USP24: variants seen among roughly 807,000 people sequenced by gnomAD.
USP24 encodes the protein ubiquitin carboxyl-terminal hydrolase 24.
Under a neutral mutation model 361.6 loss-of-function variants are expected in USP24, and 97 were observed. The observed-to-expected ratio is 0.27, with a 90% CI of 0.23 to 0.32. The LOEUF is 0.32. Ranked by LOEUF, USP24 falls within the 10% of genes least tolerant of loss-of-function variation. The probability of loss-of-function intolerance (pLI) is 1.00; values close to 1 mark genes in which losing one functional copy is unlikely to be tolerated. For synonymous variants in USP24, 1,098 were observed against 1,124.6 expected (o/e 0.98, Z 0.47); for missense variants, 2,353 against 3,165.6 (o/e 0.74, Z 6.16).
chr1:55,073,935 A>T, intron 63 of USP24, 29 bp from the exon 64 acceptor site: 2 of 1,537,536 alleles, frequency 1.3e-6, no homozygotes, highest in Non-Finnish European at 8.8e-7. Flanking sequence ...ACATTTTAAC[A>T]ATAAAAGACT....
intron 8 of USP24, 54 bp from the exon 9 acceptor site, chr1:55,159,739 A>T (rs573350570): frequency 6.9e-7 from 1 of 1,452,580 alleles, no homozygotes; most frequent in African/African-American, 1.4e-5. Flanking sequence ...CCAAAAGTAG[A>T]GAGAGAATAC....
At chr1:55,113,606 T>C (rs1017852008) in intron 38 of USP24, among the ~76,000 whole-genome samples, 1 of 152,216 alleles carries the variant, frequency 6.6e-6, no homozygotes, top group African/African-American at 2.4e-5. Context: ...CCAATATCCC[T>C]GATGACATCG....
At chr1:55,181,085 A>G (rs77312464) in intron 1 of USP24, among the ~76,000 whole-genome samples, 3,863 of 152,116 alleles carry the variant, frequency 0.025, 59 homozygotes, top group Non-Finnish European at 0.037. Flanking sequence ...TATCCTCACA[A>G]TTTACTATAT....
intron 16 of USP24, among the ~76,000 whole-genome samples, chr1:55,149,225 TCTA>T (rs1189854813): frequency 6.6e-6 from 1 of 152,174 alleles, no homozygotes; most frequent in Non-Finnish European, 1.5e-5. Flanking sequence ...ATCTAAAAAG[TCTA>T]CTGTTTGTGT....
intron 63 of USP24, 51 bp downstream of exon 63, chr1:55,075,406 T>G: frequency 6.6e-7 from 1 of 1,509,842 alleles, no homozygotes. Context: ...GAACAATAGA[T>G]TATCCACATA....
intron 28 of USP24, among the ~76,000 whole-genome samples, chr1:55,135,135 T>C (rs913519427): frequency 1.3e-5 from 2 of 152,176 alleles, no homozygotes; most frequent in Non-Finnish European, 2.9e-5. Context: ...TTAAAATTCT[T>C]GTTATATATG....
intron 1 of USP24, among the ~76,000 whole-genome samples, chr1:55,185,613 T>G (rs1165217): frequency 0.26 from 38,896 of 152,024 alleles, 6,248 homozygotes; most frequent in South Asian, 0.4. Context: ...CAGGCTGGAG[T>G]GCAAAGGCAC....
rs550777800 is a variant in USP24 at position 55,182,592 on chromosome 1, G to A, written c.325-4460C>T. 1.6e-4 allele frequency among the ~76,000 whole-genome samples: 24 copies of A among 152,214 alleles called. 1 individual carries two copies. In the South Asian group the frequency reaches 5.0e-3, roughly 32 times the overall value. ...TATTAAATCTAAGGGGGAGCAAGGGGGGAGATCTTATTATGTGCCTCCTGA... is the reference window on the plus strand; with the variant it reads ...TATTAAATCTAAGGGGGAGCAAGGGAGGAGATCTTATTATGTGCCTCCTGA... On this transcript the variant is annotated intron_variant, in intron 1 of 67. Coordinates refer to ENST00000294383, the MANE Select transcript of USP24 (RefSeq NM_015306.3).
intron 26 of USP24, 127 bp downstream of exon 26, chr1:55,138,481 C>T (rs1646798757): frequency 6.5e-6 from 4 of 618,466 alleles, no homozygotes; most frequent in South Asian, 2.4e-5. Context: ...CATTTCAGGT[C>T]TTTATTCTAC....
intron 1 of USP24, among the ~76,000 whole-genome samples, chr1:55,209,065 A>G (rs1644785470): frequency 1.3e-5 from 2 of 152,236 alleles, no homozygotes; most frequent in Non-Finnish European, 2.9e-5. Context: ...CCTATGATAA[A>G]GAAAATGAAA....
chr1:55,190,740 A>C (rs1011495255), intron 1 of USP24, among the ~76,000 whole-genome samples: 23 of 152,220 alleles, frequency 1.5e-4, no homozygotes, highest in Admixed American at 6.5e-4. Context: ...AAAGAAAAGG[A>C]TAATGTGAAA....
chr1:55,202,221 T>C (rs1644594259), intron 1 of USP24, among the ~76,000 whole-genome samples: 2 of 152,252 alleles, frequency 1.3e-5, no homozygotes, highest in Non-Finnish European at 2.9e-5. Context: ...AAGGTATATT[T>C]CAAAATGTTT....
At chr1:55,135,185 A>G (rs1646699846) in intron 28 of USP24, among the ~76,000 whole-genome samples, 1 of 152,126 alleles carries the variant, frequency 6.6e-6, no homozygotes. Flanking sequence ...GGGTCTCGCT[A>G]TGTTGGCCAG....
chr1:55,133,193 A>G (rs1365274175), intron 30 of USP24, among the ~76,000 whole-genome samples: 5 of 152,248 alleles, frequency 3.3e-5, no homozygotes, highest in African/African-American at 9.6e-5. Flanking sequence ...TAGTTCTAAC[A>G]ACTTTTTCTA....
chr1:55,099,694 C>A, intron 45 of USP24, 77 bp downstream of exon 45: 1 of 1,031,732 alleles, frequency 9.7e-7, no homozygotes, highest in Admixed American at 2.4e-5. Flanking sequence ...TTCATAGTAA[C>A]CCCAAATGCT....
intron 1 of USP24, among the ~76,000 whole-genome samples, chr1:55,184,354 G>A (rs1165644174): frequency 1.3e-5 from 2 of 152,124 alleles, no homozygotes; most frequent in Non-Finnish European, 2.9e-5. Flanking sequence ...ACCACACCCA[G>A]CCAGGAAAGG....
At chr1:55,093,086 AC>A (rs1347163260) in intron 52 of USP24, among the ~76,000 whole-genome samples, 170 bp from the exon 53 acceptor site, 1 of 152,170 alleles carries the variant, frequency 6.6e-6, no homozygotes, top group African/African-American at 2.4e-5. Flanking sequence ...GAGAGAGAAA[AC>A]CTTCCTTTGA....
At position 55,068,363 on chromosome 1, in the gene USP24, T is replaced by C. The variant is rs543954346; in HGVS notation, c.*682A>G. 1 of 152,326 alleles carries C rather than the reference T, an allele frequency of 6.6e-6. No homozygotes were observed. Among genetic ancestry groups the C allele is most frequent in the East Asian group, 1.9e-4 (1 of 5,192 alleles). 9.4% of individuals were successfully genotyped at this position (152,326 alleles called of 1,614,324 possible). Reference sequence around the variant, plus strand: ...TTCAAAATTGCTCTTTTCAATCTAATTATATCAGAAAAATATCTTCAAGAG... The same window carrying C: ...TTCAAAATTGCTCTTTTCAATCTAACTATATCAGAAAAATATCTTCAAGAG... On this transcript the variant is annotated 3_prime_UTR_variant, in exon 68 of 68. Transcript: ENST00000294383.
intron 39 of USP24, 89 bp from the exon 40 acceptor site, chr1:55,107,519 C>T: frequency 2.2e-6 from 3 of 1,372,300 alleles, no homozygotes; most frequent in Non-Finnish European, 2.9e-6. Flanking sequence ...CAAAGTCAAG[C>T]CCCAATCTTT....
Sources: allele counts gnomAD v4.1 joint callset (sites outside exome capture counted in the v4.1 genomes callset), GRCh38; gene constraint gnomAD v4.1.1; transcripts MANE v1.5; gene names NCBI Gene and HGNC (gene_info 2026-07-23, HGNC 2026-07-21).